DCC: variants seen among roughly 807,000 people sequenced by gnomAD.
DCC encodes netrin receptor DCC.
A neutral mutation model predicts 172.5 loss-of-function variants in DCC; 58 were observed. The observed-to-expected ratio is 0.34, with a 90% confidence interval of 0.27 to 0.42. The LOEUF (loss-of-function observed/expected upper bound fraction) is 0.42. Among genes scored for constraint, DCC ranks in the 10% least tolerant of loss-of-function variants. The pLI is 1.00. For synonymous variants in DCC, 709 were observed against 644.5 expected (o/e 1.10, Z -1.52); for missense variants, 1,740 against 1,791.0 (o/e 0.97, Z 0.51).
At chr18:52,803,615 G>A (rs973356332) in intron 2 of DCC, among the ~76,000 whole-genome samples, 11 of 151,806 alleles carry the variant, frequency 7.2e-5, no homozygotes, top group East Asian at 3.9e-4. Context: ...TAGGCTACAC[G>A]GTTTGTCTGC....
chr18:52,804,510 A>T (rs184151832), intron 2 of DCC, among the ~76,000 whole-genome samples: 1 of 152,182 alleles, frequency 6.6e-6, no homozygotes, highest in African/African-American at 2.4e-5. Context: ...AAAGATAAGA[A>T]TCAAAAAAGT....
intron 12 of DCC, among the ~76,000 whole-genome samples, chr18:53,253,703 A>C (rs568896494): frequency 2.0e-5 from 3 of 152,208 alleles, no homozygotes; most frequent in South Asian, 2.1e-4. Context: ...TCTCAAAGCC[A>C]GCTTGGTAGC....
At chr18:53,325,750 G>C (rs140269076) in intron 14 of DCC, among the ~76,000 whole-genome samples, 122 of 152,226 alleles carry the variant, frequency 8.0e-4, no homozygotes, top group African/African-American at 2.8e-3. Context: ...CTTTGGGTAT[G>C]GTTGTAATTA....
intron 26 of DCC, among the ~76,000 whole-genome samples, chr18:53,495,607 G>A (rs1331460435): frequency 6.6e-6 from 1 of 151,936 alleles, no homozygotes; most frequent in Non-Finnish European, 1.5e-5. Flanking sequence ...TGTGCCTTGG[G>A]GTAGCTGTTC....
chr18:53,171,059 A>G (rs749451280), intron 8 of DCC, among the ~76,000 whole-genome samples: 1 of 151,852 alleles, frequency 6.6e-6, no homozygotes, highest in Non-Finnish European at 1.5e-5. Flanking sequence ...TAATTTTTGT[A>G]TTTTTACTAG....
At chr18:52,975,904 T>C (rs1231507676) in intron 5 of DCC, among the ~76,000 whole-genome samples, 2 of 152,204 alleles carry the variant, frequency 1.3e-5, no homozygotes, top group Admixed American at 6.5e-5. Flanking sequence ...AAATGGTATT[T>C]CTGCTCTTGG....
chr18:52,517,267 T>C (rs2031672930), intron 1 of DCC, among the ~76,000 whole-genome samples: 1 of 152,218 alleles, frequency 6.6e-6, no homozygotes, highest in Non-Finnish European at 1.5e-5. Flanking sequence ...TCTTGAACAC[T>C]AAAGGATCTT....
intron 1 of DCC, among the ~76,000 whole-genome samples, chr18:52,526,731 A>C (rs2144676042): frequency 6.6e-6 from 1 of 152,300 alleles, no homozygotes; most frequent in East Asian, 1.9e-4. Flanking sequence ...TAACTACAGA[A>C]GGACATGGGC....
intron 2 of DCC, among the ~76,000 whole-genome samples, chr18:52,895,626 G>A (rs1408945733): frequency 6.6e-6 from 1 of 152,150 alleles, no homozygotes; most frequent in Admixed American, 6.5e-5. Context: ...ATAATGTTAT[G>A]TACAGTGGAT....
chr18:53,218,122 T>C (rs962960118), intron 12 of DCC, among the ~76,000 whole-genome samples: 19 of 152,148 alleles, frequency 1.2e-4, no homozygotes, highest in Non-Finnish European at 2.2e-4. Flanking sequence ...GTGCTGAGAT[T>C]ACAGGCATGA....
At chr18:52,652,523 ACT>A (rs1185240799) in intron 1 of DCC, among the ~76,000 whole-genome samples, 1 of 151,868 alleles carries the variant, frequency 6.6e-6, no homozygotes, top group East Asian at 1.9e-4. Flanking sequence ...GTTGAGCATG[ACT>A]CTAATAACAT....
chr18:52,740,945 T>C (rs1291164117), intron 1 of DCC, among the ~76,000 whole-genome samples: 2 of 152,174 alleles, frequency 1.3e-5, no homozygotes, highest in Non-Finnish European at 2.9e-5. Flanking sequence ...ACTTTTATAA[T>C]ATTAGAGCTG....
intron 17 of DCC, among the ~76,000 whole-genome samples, chr18:53,393,914 C>CCTCTCTCTCTCTCTCT (rs1323959382): frequency 1.5e-4 from 16 of 108,146 alleles, no homozygotes; most frequent in East Asian, 4.1e-4. Context: ...TCTCTCTCTC[C>CCTCTCTCTCTCTCTCT]CTCTCTCCCT....
intron 9 of DCC, among the ~76,000 whole-genome samples, chr18:53,184,182 T>C (rs2055243622): frequency 6.6e-6 from 1 of 152,056 alleles, no homozygotes; most frequent in Non-Finnish European, 1.5e-5. Context: ...AGTCAGCACA[T>C]TTACATACTC....
chr18:53,263,220 C>T (rs1325042991), intron 12 of DCC, among the ~76,000 whole-genome samples: 1 of 152,148 alleles, frequency 6.6e-6, no homozygotes, highest in African/African-American at 2.4e-5. Context: ...GGTGTGATCT[C>T]AGCTCACTGC....
intron 6 of DCC, among the ~76,000 whole-genome samples, chr18:53,064,780 G>A (rs555522516): frequency 7.9e-5 from 12 of 152,004 alleles, no homozygotes; most frequent in African/African-American, 2.7e-4. Flanking sequence ...TCCTTTAAAG[G>A]CGATGTTATT....
intron 12 of DCC, among the ~76,000 whole-genome samples, chr18:53,223,199 C>G (rs1360234624): frequency 6.6e-6 from 1 of 152,052 alleles, no homozygotes; most frequent in Admixed American, 6.6e-5. Context: ...TCTCATCTTT[C>G]ATATTTCATA....
In DCC at chr18:53,397,320, A is replaced by T. The variant is rs751742206; in HGVS notation, c.2701A>T (p.Thr901Ser). The T allele has an allele frequency of 6.2e-7, 1 of 1,613,614 alleles. No homozygotes were observed. The highest frequency in any genetic ancestry group is 8.5e-7 in the Non-Finnish European group (1 of 1,179,786). Residue 901 changes from threonine (T) to serine (S), a missense_variant, in exon 18 of 29, where the codon ACA (threonine) becomes TCA (serine). This residue lies in a region of DCC where 1,732 missense variants were observed against 1,767.4 expected (regional missense o/e 0.98). Coordinates refer to ENST00000442544, the MANE Select transcript of DCC (RefSeq NM_005215.4). ...ASAKYKSEDT[T>S]SLSYTATGLK... ...CCTACTTGTATAGTCAGAAGACACA[A>T]CATCTCTAAGTTACACAGCAACAGG...
At chr18:53,529,375 C>T (rs1253177111) in intron 28 of DCC, among the ~76,000 whole-genome samples, 1 of 152,056 alleles carries the variant, frequency 6.6e-6, no homozygotes, top group East Asian at 1.9e-4. Flanking sequence ...TGTGTCTTGG[C>T]CTATGCAGAG....
Sources: gnomAD v4.1 joint callset for allele counts (sites outside exome capture counted in the v4.1 genomes callset) on GRCh38, gnomAD v4.1.1 for gene constraint, gnomAD v4.1.1 regional missense constraint, MANE v1.5 for transcripts, NCBI Gene and HGNC (gene_info 2026-07-23, HGNC 2026-07-21) for gene names.